The following CC2D2A variants were observed in gnomAD, a reference collection of about 807,000 sequenced individuals.
The protein encoded by CC2D2A is coiled-coil and C2 domain-containing protein 2A.
In CC2D2A, 155 loss-of-function variants were observed where a neutral mutation model predicts 212.9. The observed-to-expected ratio is 0.73, with a 90% CI of 0.64 to 0.83. The LOEUF (loss-of-function observed/expected upper bound fraction) is 0.83, where lower values mean the gene tolerates loss of function less well. CC2D2A is among the 40% of genes least tolerant of loss of function. The pLI is 0.00. For missense variants in CC2D2A, 1,856 were observed against 1,956.2 expected (o/e 0.95, Z 0.97); for synonymous variants, 667 against 686.5 (o/e 0.97, Z 0.44).
chr4:15,522,133 C>T (rs1382987662), intron 11 of CC2D2A, among the ~76,000 whole-genome samples: 2 of 152,144 alleles, frequency 1.3e-5, no homozygotes, highest in Non-Finnish European at 2.9e-5. Flanking sequence ...CCCAGGAGCT[C>T]AAGGTTGTAG....
chr4:15,522,293 C>G (rs1717254014), intron 11 of CC2D2A, among the ~76,000 whole-genome samples: 1 of 152,188 alleles, frequency 6.6e-6, no homozygotes, highest in African/African-American at 2.4e-5. Context: ...CTTAACAGAG[C>G]CTTGATGAAT....
rs1379410511 is a variant in CC2D2A at position 15,588,156 on chromosome 4, C to T, written c.4179+227C>T. Among the ~76,000 whole-genome samples, 7 of 152,084 alleles carry T rather than the reference C, an allele frequency of 4.6e-5. No individual in the cohort carries two copies. The East Asian group carries it at 7.7e-4, about 17-fold the overall frequency. On this transcript the variant is annotated intron_variant, in intron 32 of 36. Transcript: ENST00000424120. ...ACTTCAGATTATTTTTTGGCAAACCCGAACCCTTTACCATCCAAAGCCCCC... is the reference window on the plus strand; with the variant it reads ...ACTTCAGATTATTTTTTGGCAAACCTGAACCCTTTACCATCCAAAGCCCCC...
At chr4:15,598,574 G>A (rs964164036) in intron 35 of CC2D2A, among the ~76,000 whole-genome samples, 1 of 152,134 alleles carries the variant, frequency 6.6e-6, no homozygotes, top group Non-Finnish European at 1.5e-5. Context: ...CCAATAAATA[G>A]TAGCTATCTT....
chr4:15,494,079 C>T (rs1338472407), intron 4 of CC2D2A, among the ~76,000 whole-genome samples: 2 of 152,168 alleles, frequency 1.3e-5, no homozygotes, highest in African/African-American at 4.8e-5. Context: ...GGGGAAGACT[C>T]AATCCTAAGT....
chr4:15,511,467 G>C, intron 8 of CC2D2A, 44 bp downstream of exon 8: 1 of 1,445,762 alleles, frequency 6.9e-7, no homozygotes, highest in Non-Finnish European at 9.1e-7. Flanking sequence ...TGGAGGGCTA[G>C]GAGGAAAAAG....
chr4:15,527,987 G>A (rs1216984927), intron 12 of CC2D2A, among the ~76,000 whole-genome samples: 1 of 152,162 alleles, frequency 6.6e-6, no homozygotes, highest in Non-Finnish European at 1.5e-5. Context: ...GGTGGCTTGA[G>A]AATATCTGTC....
At chr4:15,523,603 G>T (rs1455475756) in intron 11 of CC2D2A, among the ~76,000 whole-genome samples, 1 of 152,154 alleles carries the variant, frequency 6.6e-6, no homozygotes, top group Non-Finnish European at 1.5e-5. Context: ...AAGCAAAGAG[G>T]GAACTTAGTG....
chr4:15,477,800 G>C (rs554496547), intron 2 of CC2D2A, among the ~76,000 whole-genome samples: 1 of 152,126 alleles, frequency 6.6e-6, no homozygotes, highest in Admixed American at 6.6e-5. Flanking sequence ...CTGTTATTGC[G>C]GTTCATGTCT....
chr4:15,495,043 T>C (rs1012500520), intron 4 of CC2D2A, among the ~76,000 whole-genome samples: 1 of 152,148 alleles, frequency 6.6e-6, no homozygotes, highest in Non-Finnish European at 1.5e-5. Flanking sequence ...TAATACCCAA[T>C]AGGTAGTTTT....
intron 3 of CC2D2A, among the ~76,000 whole-genome samples, 177 bp from the exon 4 acceptor site, chr4:15,480,527 G>A (rs1714559815): frequency 1.3e-5 from 2 of 152,184 alleles, no homozygotes; most frequent in South Asian, 4.1e-4. Context: ...GAGAAATTCT[G>A]GGTTGGCACC....
chr4:15,495,487 T>C (rs544115709), intron 4 of CC2D2A, among the ~76,000 whole-genome samples: 10 of 152,316 alleles, frequency 6.6e-5, no homozygotes, highest in African/African-American at 2.4e-4. Flanking sequence ...CGGTATTTGG[T>C]TTTCTGTTCC....
At chr4:15,516,133 ATT>A (rs58218122) in intron 10 of CC2D2A, 129 bp downstream of exon 10, 6,152 of 733,506 alleles carry the variant, frequency 8.4e-3, no homozygotes, top group South Asian at 9.5e-3. Flanking sequence ...AAAGTGGTTC[ATT>A]TTTTTTTTTT....
In CC2D2A at chr4:15,470,681, CTCTCTCTCTATATATATATATA is replaced by C. The variant is rs1170179564; in HGVS notation, c.-19+626_-19+647del. On this transcript the variant is annotated intron_variant, in intron 1 of 36. Coordinates refer to ENST00000424120, the MANE Select transcript of CC2D2A (RefSeq NM_001378615.1). ...TCTCTCTCTCTCTCTCTCTCTCTCTCTCTCTCTCTATATATATATATATATATATATATATATATATATATAT... is the reference window on the plus strand; with the variant it reads ...TCTCTCTCTCTCTCTCTCTCTCTCTCTATATATATATATATATATATATAT... Among the ~76,000 whole-genome samples the C allele has an allele frequency of 5.8e-3, 332 of 57,192 alleles. 1 individual carries two copies. The highest frequency in any genetic ancestry group is 9.6e-3 in the East Asian group (19 of 1,976). The allele number at this position is 57,192 out of a possible 152,430, so 37.5% of individuals were successfully genotyped here.
At chr4:15,587,471 A>C (rs996118710) in intron 31 of CC2D2A, among the ~76,000 whole-genome samples, 4 of 152,208 alleles carry the variant, frequency 2.6e-5, no homozygotes, top group Non-Finnish European at 5.9e-5. Flanking sequence ...TCTAGAATTA[A>C]GTAAGTTTAA....
Position 15,559,181 on chromosome 4 carries a change from T to G in CC2D2A, c.2846T>G (p.Leu949Ter). The stretch of plus-strand genomic sequence containing the variant: ...TAATTTTAGGACTATGAGAAACGGT[T>G]ACGAGACAGAAATGTAATAGAAACC... Reference protein sequence around the residue: ...EKVFQDYEKRLRDRNVIETKE... With the variant: ...EKVFQDYEKR The change falls in exon 22 of 37, where the codon TTA becomes TGA. Residue 949 changes from leucine to a stop codon, truncating the protein, a stop_gained. Coordinates refer to ENST00000424120, the MANE Select transcript of CC2D2A (RefSeq NM_001378615.1). LOFTEE classifies it high-confidence loss of function. 1 of 1,549,704 alleles carries G rather than the reference T, an allele frequency of 6.5e-7. No homozygotes were observed. The highest frequency in any genetic ancestry group is 2.4e-5 in the East Asian group (1 of 41,004).
chr4:15,530,053 G>C (rs914773667), intron 13 of CC2D2A, among the ~76,000 whole-genome samples: 4 of 151,544 alleles, frequency 2.6e-5, no homozygotes, highest in Non-Finnish European at 4.4e-5. Context: ...CTCACTGCAA[G>C]CTCCGCCTCC....
intron 3 of CC2D2A, chr4:15,479,280 G>T (rs1229588211): frequency 6.5e-7 from 1 of 1,537,224 alleles, no homozygotes; most frequent in East Asian, 2.4e-5. Flanking sequence ...CTCCGCAGGA[G>T]TTCCCCTCCT....
chr4:15,558,928 G>T (rs556953234), intron 21 of CC2D2A, among the ~76,000 whole-genome samples: 1 of 152,088 alleles, frequency 6.6e-6, no homozygotes, highest in South Asian at 2.1e-4. Context: ...CTGACTTAAC[G>T]TTTTAACTTG....
chr4:15,580,637 C>CAAAA (rs58107216), intron 30 of CC2D2A, among the ~76,000 whole-genome samples: 4 of 89,392 alleles, frequency 4.5e-5, no homozygotes, highest in East Asian at 3.0e-4. Flanking sequence ...GACTCTGTCT[C>CAAAA]AAAAAAAAAA....
Sources: allele counts gnomAD v4.1 joint callset (sites outside exome capture counted in the v4.1 genomes callset), GRCh38; gene constraint gnomAD v4.1.1; transcripts MANE v1.5; gene names NCBI Gene and HGNC (gene_info 2026-07-23, HGNC 2026-07-21).